Variants in MDFIC observed in about 807,000 individuals in gnomAD.
The protein encoded by MDFIC is myoD family inhibitor domain-containing protein.
A neutral mutation model predicts 23.2 loss-of-function variants in MDFIC; 17 were observed. The ratio of observed to expected loss-of-function variants is 0.73; its 90% confidence interval spans 0.50 to 1.10. MDFIC has a LOEUF of 1.10. MDFIC is among the 50% of genes least tolerant of loss of function. The pLI is 0.00. For synonymous variants in MDFIC, 120 were observed against 115.2 expected, an observed-to-expected ratio of 1.04 and a Z score of -0.27; for missense variants, 356 against 316.6, an observed-to-expected ratio of 1.12 and a Z score of -0.95.
chr7:115,015,559 A>G, intron 4 of MDFIC, 129 bp from the exon 5 acceptor site: 1 of 1,295,048 alleles, frequency 7.7e-7, no homozygotes, highest in Non-Finnish European at 1.1e-6. Context: ...TCCAGCTCAC[A>G]AAGCAAACTT....
intron 3 of MDFIC, among the ~76,000 whole-genome samples, chr7:114,960,752 AT>A (rs766131315): frequency 5.3e-5 from 8 of 152,178 alleles, no homozygotes; most frequent in Admixed American, 3.9e-4. Flanking sequence ...CAGATTCAAT[AT>A]GTATATTCTA....
At chr7:114,956,566 C>G (rs1401563237) in intron 3 of MDFIC, among the ~76,000 whole-genome samples, 1 of 151,962 alleles carries the variant, frequency 6.6e-6, no homozygotes, top group Non-Finnish European at 1.5e-5. Flanking sequence ...AAGACAAAAT[C>G]TTGATAACTG....
chr7:114,961,109 G>A (rs1383843815), intron 3 of MDFIC, among the ~76,000 whole-genome samples: 1 of 152,070 alleles, frequency 6.6e-6, no homozygotes, highest in African/African-American at 2.4e-5. Flanking sequence ...CTGGGCACTA[G>A]GCATAGCAGA....
chr7:114,946,720 C>T (rs936072998), intron 3 of MDFIC, among the ~76,000 whole-genome samples: 1 of 152,148 alleles, frequency 6.6e-6, no homozygotes, highest in South Asian at 2.1e-4. Context: ...AACGCAAGCT[C>T]TTCTCCGGCT....
Position 114,969,586 on chromosome 7 carries a change from G to A in MDFIC, c.218-9920G>A, listed in dbSNP as rs189737506. ...TACTTTATTTTTGTGAAGGGTTCAT[G>A]TCAGTAAATTGAGGTCCCAGACGCA... On this transcript the variant is annotated intron_variant, in intron 3 of 4. Coordinates refer to ENST00000393486, the MANE Select transcript of MDFIC (RefSeq NM_001166345.3). Among the ~76,000 whole-genome samples, 107 of 152,266 alleles carry A rather than the reference G, an allele frequency of 7.0e-4. 1 individual carries two copies. Among genetic ancestry groups the A allele is most frequent in the Non-Finnish European group, 1.1e-3 (73 of 68,004 alleles).
At chr7:115,000,719 T>G (rs1791450159) in intron 4 of MDFIC, among the ~76,000 whole-genome samples, 1 of 152,198 alleles carries the variant, frequency 6.6e-6, no homozygotes, top group South Asian at 2.1e-4. Flanking sequence ...CTAAGTAACT[T>G]GTTTTCATGT....
At chr7:114,925,378 T>C (rs537293224) in intron 2 of MDFIC, among the ~76,000 whole-genome samples, 14 of 152,336 alleles carry the variant, frequency 9.2e-5, no homozygotes, top group Admixed American at 8.5e-4. Flanking sequence ...TTAGGTGTTT[T>C]GTTAAAAACC....
In MDFIC at chr7:114,979,513, T is replaced by A. The variant is rs749784170; in HGVS notation, c.225T>A (p.Pro75=). Reference sequence around the variant, plus strand: ...TTCCTGTTTTTAATTTAGCCCAACCTCAGCGCTTGCCTCAGCTTCAGACTT... The same window carrying A: ...TTCCTGTTTTTAATTTAGCCCAACCACAGCGCTTGCCTCAGCTTCAGACTT... The part of the protein sequence containing the change: ...PSDGELIRTQ[P]QRLPQLQTSA... The change falls in exon 4 of 5, where the codon CCT becomes CCA. Residue 75 remains proline, a synonymous_variant. Transcript: ENST00000393486. 6.2e-6 allele frequency: 10 copies of A among 1,609,030 alleles called. No homozygotes were observed. The Admixed American group carries it at 1.7e-4, about 27-fold the overall frequency.
intron 2 of MDFIC, among the ~76,000 whole-genome samples, chr7:114,932,424 G>T (rs1309057875): frequency 6.6e-6 from 1 of 152,078 alleles, no homozygotes; most frequent in Non-Finnish European, 1.5e-5. Flanking sequence ...AGAGTTGAAG[G>T]TGATTCTGTA....
chr7:114,987,695 A>G (rs1409994547), intron 4 of MDFIC, among the ~76,000 whole-genome samples: 1 of 152,212 alleles, frequency 6.6e-6, no homozygotes, highest in African/African-American at 2.4e-5. Context: ...GAGTGTGTGT[A>G]TGGAGAGTAG....
chr7:115,013,914 A>G (rs923417464), intron 4 of MDFIC: 11 of 852,964 alleles, frequency 1.3e-5, no homozygotes, highest in African/African-American at 3.7e-5. Context: ...CCAGAAATCA[A>G]TATTAGGGGA....
At chr7:114,967,598 T>G (rs1397469463) in intron 3 of MDFIC, among the ~76,000 whole-genome samples, 2 of 152,138 alleles carry the variant, frequency 1.3e-5, no homozygotes, top group Non-Finnish European at 2.9e-5. Flanking sequence ...GTAAGTTAAG[T>G]TATATGAGGG....
At chr7:114,982,552 G>T (rs1461865660) in intron 4 of MDFIC, among the ~76,000 whole-genome samples, 5 of 151,940 alleles carry the variant, frequency 3.3e-5, no homozygotes, top group Non-Finnish European at 5.9e-5. Context: ...AAATCTACCT[G>T]GGCACAGTGG....
chr7:115,000,701 T>C (rs376767635), intron 4 of MDFIC, among the ~76,000 whole-genome samples: 10 of 152,198 alleles, frequency 6.6e-5, no homozygotes, highest in Admixed American at 4.6e-4. Context: ...ATGTTAAATA[T>C]TAAATTCCTA....
At chr7:114,941,926 G>A (rs971471706) in intron 2 of MDFIC, among the ~76,000 whole-genome samples, 14 of 152,114 alleles carry the variant, frequency 9.2e-5, no homozygotes, top group African/African-American at 3.1e-4. Context: ...TTTCCCTGCT[G>A]CTCAACCCCC....
chr7:114,936,914 T>C (rs1792434727), intron 2 of MDFIC, among the ~76,000 whole-genome samples: 1 of 152,156 alleles, frequency 6.6e-6, no homozygotes, highest in Admixed American at 6.5e-5. Context: ...AGAAAATTTT[T>C]ATTTTTTAAA....
intron 2 of MDFIC, among the ~76,000 whole-genome samples, chr7:114,928,545 G>C (rs986816697): frequency 6.6e-6 from 1 of 152,180 alleles, no homozygotes; most frequent in Non-Finnish European, 1.5e-5. Context: ...AGAAAACAAG[G>C]CTTGGGGGAG....
intron 3 of MDFIC, among the ~76,000 whole-genome samples, chr7:114,966,794 C>T (rs1348932524): frequency 6.6e-6 from 1 of 152,088 alleles, no homozygotes; most frequent in Non-Finnish European, 1.5e-5. Flanking sequence ...TGCCACAGGG[C>T]AGGGTTAGGC....
chr7:114,991,894 T>C (rs1186768149), intron 4 of MDFIC, among the ~76,000 whole-genome samples: 1 of 152,234 alleles, frequency 6.6e-6, no homozygotes, highest in Admixed American at 6.5e-5. Flanking sequence ...AAGAAAGTCA[T>C]TGGTAGCTTG....
Sources: allele counts gnomAD v4.1 joint callset (sites outside exome capture counted in the v4.1 genomes callset), GRCh38; gene constraint gnomAD v4.1.1; transcripts MANE v1.5; gene names NCBI Gene and HGNC (gene_info 2026-07-23, HGNC 2026-07-21).